The following PRDM10 variants were observed in gnomAD, a reference collection of about 807,000 sequenced individuals.
The protein encoded by PRDM10 is PR/SET domain 10.
Under a neutral mutation model 133.1 loss-of-function variants are expected in PRDM10, and 65 were observed. That is an observed-to-expected ratio of 0.49 (90% CI 0.40 to 0.60). PRDM10 has a LOEUF of 0.60. Ranked by LOEUF, PRDM10 falls within the 20% of genes least tolerant of loss-of-function variation. The pLI is 0.00. For missense variants in PRDM10, 1,137 were observed against 1,507.1 expected, an observed-to-expected ratio of 0.75 and a Z score of 4.07; for synonymous variants, 582 against 580.4, an observed-to-expected ratio of 1.00 and a Z score of -0.04.
intron 1 of PRDM10, among the ~76,000 whole-genome samples, chr11:130,000,905 G>C (rs777697691): frequency 5.3e-5 from 8 of 152,112 alleles, no homozygotes; most frequent in African/African-American, 1.9e-4. Context: ...TCAGCAGTTC[G>C]TAACCATCCT....
intron 1 of PRDM10, among the ~76,000 whole-genome samples, chr11:129,986,975 T>C (rs896929897): frequency 6.6e-6 from 1 of 152,172 alleles, no homozygotes; most frequent in African/African-American, 2.4e-5. Flanking sequence ...TAATTCTCCC[T>C]ATCAATTCAT....
At chr11:130,001,402 C>G (rs1330071132) in intron 1 of PRDM10, among the ~76,000 whole-genome samples, 2 of 152,128 alleles carry the variant, frequency 1.3e-5, no homozygotes, top group African/African-American at 4.8e-5. Context: ...AGTGATTCTG[C>G]TGTTTTTAAT....
intron 12 of PRDM10, among the ~76,000 whole-genome samples, chr11:129,924,346 A>G (rs1049332437): frequency 6.6e-6 from 1 of 152,252 alleles, no homozygotes; most frequent in African/African-American, 2.4e-5. Flanking sequence ...TTAAAGTCCA[A>G]ATGAAATCAT....
In PRDM10 at chr11:129,995,679, C is replaced by T. The variant is rs141772758; in HGVS notation, c.-119+7043G>A. Reference sequence around the variant, plus strand: ...CGGGGGAGAGGGGCAGGGGCCGTAGCGCACGCCTGTAACTCCAGCACTTTG... The same window carrying T: ...CGGGGGAGAGGGGCAGGGGCCGTAGTGCACGCCTGTAACTCCAGCACTTTG... On this transcript the variant is annotated intron_variant, in intron 1 of 20. Transcript: ENST00000360871. Among the ~76,000 whole-genome samples, 810 of 152,134 alleles carry T rather than the reference C, an allele frequency of 5.3e-3. 8 individuals carry two copies. Among genetic ancestry groups the T allele is most frequent in the African/African-American group, 0.018 (763 of 41,480 alleles).
chr11:130,000,033 C>G (rs78073523), intron 1 of PRDM10, among the ~76,000 whole-genome samples: 1 of 150,818 alleles, frequency 6.6e-6, no homozygotes, highest in Non-Finnish European at 1.5e-5. Flanking sequence ...TTTTTTCACT[C>G]GCTTCTAAAT....
chr11:130,000,688 G>C (rs192142999), intron 1 of PRDM10, among the ~76,000 whole-genome samples: 1 of 152,076 alleles, frequency 6.6e-6, no homozygotes, highest in Non-Finnish European at 1.5e-5. Context: ...GGGAGCTTAC[G>C]GGGTAGAAGG....
chr11:129,990,387 T>C (rs1489886765), intron 1 of PRDM10, among the ~76,000 whole-genome samples: 5 of 151,516 alleles, frequency 3.3e-5, no homozygotes, highest in African/African-American at 7.3e-5. Context: ...CCGGGCGTGG[T>C]GGCGCATGCC....
chr11:129,984,182 C>A (rs1210239104), intron 1 of PRDM10, among the ~76,000 whole-genome samples: 1 of 152,216 alleles, frequency 6.6e-6, no homozygotes, highest in East Asian at 1.9e-4. Flanking sequence ...CACATCAGCA[C>A]CCTGTCCTCA....
chr11:129,940,277 A>C (rs1951165488), intron 7 of PRDM10, among the ~76,000 whole-genome samples: 1 of 152,196 alleles, frequency 6.6e-6, no homozygotes, highest in African/African-American at 2.4e-5. Flanking sequence ...GTGCATCCTA[A>C]AATCATTGGT....
chr11:129,985,264 A>AGTGTGTGTGT (rs149995969), intron 1 of PRDM10, among the ~76,000 whole-genome samples: 1 of 151,652 alleles, frequency 6.6e-6, no homozygotes, highest in African/African-American at 2.4e-5. Context: ...CAGCTAAGAA[A>AGTGTGTGTGT]GTGTGTGTGT....
intron 4 of PRDM10, among the ~76,000 whole-genome samples, chr11:129,951,584 A>T (rs1319162144): frequency 6.6e-6 from 1 of 152,206 alleles, no homozygotes; most frequent in Non-Finnish European, 1.5e-5. Flanking sequence ...TCTCCTTCCC[A>T]CTTAATACCA....
chr11:129,996,294 T>C (rs1053093712), intron 1 of PRDM10, among the ~76,000 whole-genome samples: 4 of 152,180 alleles, frequency 2.6e-5, no homozygotes, highest in African/African-American at 9.7e-5. Flanking sequence ...AAGGGCGGTG[T>C]GGGTTCAGCT....
intron 9 of PRDM10, 75 bp downstream of exon 9, chr11:129,935,026 T>C (rs1323950025): frequency 1.1e-5 from 14 of 1,276,680 alleles, no homozygotes; most frequent in Admixed American, 1.7e-5. Flanking sequence ...AGACACTCAT[T>C]AGCTAGTGGA....
At chr11:129,982,561 GA>G (rs1383607430) in intron 1 of PRDM10, among the ~76,000 whole-genome samples, 1 of 152,142 alleles carries the variant, frequency 6.6e-6, no homozygotes, top group Non-Finnish European at 1.5e-5. Context: ...GGTTACCTTT[GA>G]AAAGTTAAAT....
At chr11:129,921,628 G>A (rs1950525223) in intron 13 of PRDM10, among the ~76,000 whole-genome samples, 1 of 152,214 alleles carries the variant, frequency 6.6e-6, no homozygotes, top group Non-Finnish European at 1.5e-5. Flanking sequence ...ATGCCAGGAA[G>A]GTAGGTGGTA....
chr11:129,967,717 G>A (rs900725808), intron 1 of PRDM10, among the ~76,000 whole-genome samples: 3 of 152,152 alleles, frequency 2.0e-5, no homozygotes, highest in Admixed American at 1.3e-4. Context: ...ACCCCATGGC[G>A]ACACTTGCAG....
At chr11:129,927,216 G>C (rs1187640572) in intron 11 of PRDM10, among the ~76,000 whole-genome samples, 1 of 85,920 alleles carries the variant, frequency 1.2e-5, no homozygotes, top group South Asian at 4.0e-4. Flanking sequence ...AAAAAAAAAA[G>C]CATAGTTTTT....
intron 1 of PRDM10, among the ~76,000 whole-genome samples, chr11:129,994,852 A>T (rs1938964606): frequency 6.6e-6 from 1 of 151,936 alleles, no homozygotes; most frequent in South Asian, 2.1e-4. Context: ...ACAGGGCTTC[A>T]CCGCGTTAGC....
At chr11:129,970,783 T>C (rs1290211711) in intron 1 of PRDM10, among the ~76,000 whole-genome samples, 2 of 152,074 alleles carry the variant, frequency 1.3e-5, no homozygotes, top group Non-Finnish European at 2.9e-5. Flanking sequence ...TGACGTCAGG[T>C]GATCCACCCA....
Sources: allele counts gnomAD v4.1 joint callset (sites outside exome capture counted in the v4.1 genomes callset), GRCh38; gene constraint gnomAD v4.1.1; transcripts MANE v1.5; gene names NCBI Gene and HGNC (gene_info 2026-07-23, HGNC 2026-07-21).